Variants in STXBP5 observed in about 807,000 individuals in gnomAD.
The protein encoded by STXBP5 is syntaxin-binding protein 5.
In STXBP5, 50 loss-of-function variants were observed where a neutral mutation model predicts 152.4. The ratio of observed to expected loss-of-function variants is 0.33; its 90% CI spans 0.26 to 0.42. STXBP5 has a LOEUF of 0.42. Among genes scored for constraint, STXBP5 ranks in the 10% least tolerant of loss-of-function variants. The pLI, the probability that STXBP5 is intolerant of heterozygous loss-of-function variation, is 1.00. For synonymous variants in STXBP5, 492 were observed against 494.7 expected, an observed-to-expected ratio of 0.99 and a Z score of 0.07; for missense variants, 1,167 against 1,388.6, an observed-to-expected ratio of 0.84 and a Z score of 2.54.
intron 16 of STXBP5, among the ~76,000 whole-genome samples, chr6:147,318,845 G>T (rs1162832128): frequency 6.6e-6 from 1 of 151,750 alleles, no homozygotes; most frequent in Non-Finnish European, 1.5e-5. Context: ...TGATTTGATG[G>T]TTTTTTTTCC....
In STXBP5 at chr6:147,375,829, A is replaced by G. The variant is rs192165145; in HGVS notation, c.3193+1987A>G. 1.4e-3 allele frequency among the ~76,000 whole-genome samples: 213 copies of G among 152,160 alleles called. 2 individuals carry two copies. Among genetic ancestry groups the G allele is most frequent in the African/African-American group, 4.9e-3 (202 of 41,582 alleles). On this transcript the variant is annotated intron_variant, in intron 26 of 27. Coordinates refer to ENST00000321680, the MANE Select transcript of STXBP5 (RefSeq NM_001127715.4). The stretch of plus-strand genomic sequence containing the variant: ...AAATTATAGATATTTTTTAACAAAT[A>G]GAGACTGATACATGACTTCTCAACA...
At chr6:147,274,437 C>A (rs1183165287) in intron 7 of STXBP5, among the ~76,000 whole-genome samples, 1 of 152,088 alleles carries the variant, frequency 6.6e-6, no homozygotes, top group African/African-American at 2.4e-5. Flanking sequence ...TGTATAATAA[C>A]TTTTATCAAC....
chr6:147,233,818 A>G (rs1270428244), intron 2 of STXBP5, among the ~76,000 whole-genome samples: 2 of 150,812 alleles, frequency 1.3e-5, no homozygotes, highest in African/African-American at 4.9e-5. Context: ...CTGGTATAGC[A>G]AAAATACTAC....
intron 2 of STXBP5, among the ~76,000 whole-genome samples, chr6:147,213,495 TTTTTTC>T (rs1429795739): frequency 2.9e-5 from 4 of 140,028 alleles, no homozygotes; most frequent in Admixed American, 1.4e-4. Flanking sequence ...CATATATATA[TTTTTTC>T]TTTTTCTTTT....
chr6:147,317,745 A>G (rs1210168871), intron 16 of STXBP5, among the ~76,000 whole-genome samples: 1 of 152,162 alleles, frequency 6.6e-6, no homozygotes, highest in Non-Finnish European at 1.5e-5. Flanking sequence ...CTGTAGTTCT[A>G]GCACATGTTT....
chr6:147,297,512 T>C (rs545125636), intron 9 of STXBP5, among the ~76,000 whole-genome samples: 9 of 152,030 alleles, frequency 5.9e-5, no homozygotes, highest in Admixed American at 4.6e-4. Flanking sequence ...ACATCAGAAA[T>C]TATAAAACTC....
chr6:147,323,414 G>A (rs960168738), intron 16 of STXBP5, among the ~76,000 whole-genome samples: 2 of 150,034 alleles, frequency 1.3e-5, no homozygotes, highest in African/African-American at 4.9e-5. Context: ...TTTTGGAGAC[G>A]GAGATCTCAC....
At chr6:147,288,303 G>T (rs969972456) in intron 8 of STXBP5, among the ~76,000 whole-genome samples, 1 of 152,186 alleles carries the variant, frequency 6.6e-6, no homozygotes, top group Non-Finnish European at 1.5e-5. Flanking sequence ...TGTTGATTGT[G>T]CTGTAGCAAA....
intron 2 of STXBP5, among the ~76,000 whole-genome samples, chr6:147,210,568 A>G (rs1236879334): frequency 6.6e-6 from 1 of 152,100 alleles, no homozygotes; most frequent in Admixed American, 6.5e-5. Context: ...CAGGATATTT[A>G]ATATCCCCGT....
intron 26 of STXBP5, among the ~76,000 whole-genome samples, chr6:147,381,843 CAGAG>C (rs1232589508): frequency 2.6e-5 from 4 of 152,012 alleles, no homozygotes; most frequent in Non-Finnish European, 4.4e-5. Flanking sequence ...TTTATGGAAA[CAGAG>C]AGTAGATTAG....
At chr6:147,256,203 T>G (rs117326863) in intron 4 of STXBP5, among the ~76,000 whole-genome samples, 120 of 152,322 alleles carry the variant, frequency 7.9e-4, no homozygotes, top group Non-Finnish European at 1.5e-3. Flanking sequence ...TCCCCACTGC[T>G]GCTGCTCCAT....
chr6:147,280,437 C>T (rs1582884180), intron 8 of STXBP5, among the ~76,000 whole-genome samples: 1 of 152,124 alleles, frequency 6.6e-6, no homozygotes, highest in Non-Finnish European at 1.5e-5. Context: ...TCTGCTAGTT[C>T]TCTCCATTAT....
intron 9 of STXBP5, chr6:147,292,449 A>G: frequency 3.9e-6 from 1 of 257,492 alleles, no homozygotes; most frequent in Non-Finnish European, 7.6e-6. Context: ...TTAGTTGTTT[A>G]ATTGAGATGA....
At position 147,275,837 on chromosome 6, in the gene STXBP5, C is replaced by A. The variant is rs187232019; in HGVS notation, c.715-2244C>A. ...CTCCCAAAGTGCTGGGATTACAGGC[C>A]TGAGCCACCGTGCCTGGCCATAAAC... On this transcript the variant is annotated intron_variant, in intron 7 of 27. Coordinates refer to ENST00000321680, the MANE Select transcript of STXBP5 (RefSeq NM_001127715.4). 4.4e-3 allele frequency among the ~76,000 whole-genome samples: 675 copies of A among 151,946 alleles called. 4 individuals carry two copies. Among genetic ancestry groups the A allele is most frequent in the African/African-American group, 0.016 (653 of 41,484 alleles).
At chr6:147,261,202 T>A (rs966127553) in intron 5 of STXBP5, among the ~76,000 whole-genome samples, 3 of 152,074 alleles carry the variant, frequency 2.0e-5, no homozygotes, top group Admixed American at 6.6e-5. Flanking sequence ...GTTAATATAT[T>A]ATCAAATTAA....
At chr6:147,273,421 A>G (rs922277450) in intron 7 of STXBP5, among the ~76,000 whole-genome samples, 3 of 152,138 alleles carry the variant, frequency 2.0e-5, no homozygotes, top group African/African-American at 7.2e-5. Context: ...AAAGAAGTGC[A>G]GTATTACTGA....
chr6:147,224,944 A>G (rs1447257698), intron 2 of STXBP5, among the ~76,000 whole-genome samples: 1 of 152,210 alleles, frequency 6.6e-6, no homozygotes, highest in Non-Finnish European at 1.5e-5. Flanking sequence ...GACTTAGGCC[A>G]TTAAAAGTAA....
chr6:147,230,537 TTTA>T (rs1777947650), intron 2 of STXBP5, among the ~76,000 whole-genome samples: 1 of 151,872 alleles, frequency 6.6e-6, no homozygotes, highest in Non-Finnish European at 1.5e-5. Flanking sequence ...CCAATCTGGG[TTTA>T]TTAAGTACCC....
intron 4 of STXBP5, among the ~76,000 whole-genome samples, chr6:147,243,773 A>G (rs1372530320): frequency 9.9e-5 from 15 of 151,960 alleles, no homozygotes; most frequent in African/African-American, 2.9e-4. Context: ...TATAAGTTCT[A>G]TGTCTAGAGT....
Sources: gnomAD v4.1 joint callset for allele counts (sites outside exome capture counted in the v4.1 genomes callset) on GRCh38, gnomAD v4.1.1 for gene constraint, MANE v1.5 for transcripts, NCBI Gene and HGNC (gene_info 2026-07-23, HGNC 2026-07-21) for gene names.